The following RAB9B variants were observed in gnomAD, a reference collection of about 807,000 sequenced individuals.
The protein encoded by RAB9B is RAB9B, member RAS oncogene family.
A neutral mutation model predicts 8.9 loss-of-function variants in RAB9B; 1 was observed. The ratio of observed to expected loss-of-function variants is 0.11; its 90% CI spans 0.04 to 0.53. The LOEUF is 0.53. Ranked by LOEUF, RAB9B falls within the 20% of genes least tolerant of loss-of-function variation. The probability of loss-of-function intolerance (pLI) is 0.93; values close to 1 mark genes in which losing one functional copy is unlikely to be tolerated. For missense variants in RAB9B, 82 were observed against 152.9 expected, an observed-to-expected ratio of 0.54 and a Z score of 2.45; for synonymous variants, 63 against 57.0, an observed-to-expected ratio of 1.10 and a Z score of -0.47.
At chrX:103,807,612 A>G in the RAB9B span, among the ~76,000 whole-genome samples, 1 of 112,076 alleles carries the variant, frequency 8.9e-6, no homozygotes, top group African/African-American at 3.2e-5. Flanking sequence ...CTGCCTTGGT[A>G]TGGCAAAACT....
At chrX:103,776,962 A>T in the RAB9B span, 1 of 1,189,596 alleles carries the variant, frequency 8.4e-7, no homozygotes. Context: ...CAGACTAGCC[A>T]GCCGGCTACA....
chrX:103,789,341 G>A, the RAB9B span: 2 of 1,206,952 alleles, frequency 1.7e-6, no homozygotes, highest in East Asian at 5.9e-5. Context: ...AGTTCCAAAT[G>A]ACCTTCCACC....
At chrX:103,783,232 G>A in the RAB9B span, among the ~76,000 whole-genome samples, 2 of 112,224 alleles carry the variant, frequency 1.8e-5, no homozygotes, top group African/African-American at 6.5e-5. Flanking sequence ...ATGCATGCAT[G>A]TGCGTGTGCA....
At chrX:103,811,972 C>G in the RAB9B span, among the ~76,000 whole-genome samples, 5 of 108,121 alleles carry the variant, frequency 4.6e-5, no homozygotes, top group South Asian at 8.4e-4. Flanking sequence ...AAAGAGAGGT[C>G]TCCTCTCTTT....
the RAB9B span, among the ~76,000 whole-genome samples, chrX:103,802,493 T>C: frequency 9.0e-6 from 1 of 111,467 alleles, no homozygotes; most frequent in Non-Finnish European, 1.9e-5. Flanking sequence ...TAAGCAGGAC[T>C]ACAGTTTAGG....
At chrX:103,819,008 C>T (rs1280042686), downstream of RAB9B, among the ~76,000 whole-genome samples, 1 of 111,242 alleles carries the variant, frequency 9.0e-6, no homozygotes, top group Non-Finnish European at 1.9e-5. Context: ...CATCTATTAA[C>T]AGACTCTATG....
chrX:103,785,670 G>A, the RAB9B span: 1 of 1,210,151 alleles, frequency 8.3e-7, no homozygotes, highest in Non-Finnish European at 1.1e-6. Flanking sequence ...GGGTGGCACT[G>A]TTCTGTGGCT....
the RAB9B span, among the ~76,000 whole-genome samples, chrX:103,812,282 A>G: frequency 9.0e-5 from 10 of 111,708 alleles, no homozygotes; most frequent in Non-Finnish European, 1.5e-4. Flanking sequence ...TAAGTTTTTA[A>G]CATATTAATT....
At chrX:103,812,293 A>T in the RAB9B span, among the ~76,000 whole-genome samples, 1 of 111,646 alleles carries the variant, frequency 9.0e-6, no homozygotes, top group Non-Finnish European at 1.9e-5. Flanking sequence ...CATATTAATT[A>T]GGGAGATATA....
At chrX:103,820,125 C>T (rs1301989472), downstream of RAB9B, among the ~76,000 whole-genome samples, 2 of 112,011 alleles carry the variant, frequency 1.8e-5, no homozygotes, top group Non-Finnish European at 3.8e-5. Flanking sequence ...GTGCGGATGC[C>T]TTGATTTTGG....
At chrX:103,808,212 CAAGATATGT>C in the RAB9B span, among the ~76,000 whole-genome samples, 1 of 111,924 alleles carries the variant, frequency 8.9e-6, no homozygotes, top group Non-Finnish European at 1.9e-5. Context: ...CTGTTTCTTC[CAAGATATGT>C]AACCTTGAAA....
At chrX:103,796,207 G>A in the RAB9B span, among the ~76,000 whole-genome samples, 1 of 112,357 alleles carries the variant, frequency 8.9e-6, no homozygotes, top group Admixed American at 9.4e-5. Flanking sequence ...GGGCATGGTG[G>A]CTCATGCCTG....
the RAB9B span, among the ~76,000 whole-genome samples, chrX:103,804,704 A>T: frequency 1.8e-5 from 2 of 111,703 alleles, no homozygotes. Context: ...ATTTCAATGA[A>T]GTTTTGTCAT....
At chrX:103,799,676 T>C in the RAB9B span, among the ~76,000 whole-genome samples, 1 of 112,221 alleles carries the variant, frequency 8.9e-6, no homozygotes, top group African/African-American at 3.2e-5. Context: ...TAACGCTGTT[T>C]TAAAATTTTT....
At chrX:103,795,784 C>T in the RAB9B span, among the ~76,000 whole-genome samples, 1 of 112,079 alleles carries the variant, frequency 8.9e-6, no homozygotes, top group Non-Finnish European at 1.9e-5. Flanking sequence ...TTATCCTATA[C>T]GCAGATGATA....
the RAB9B span, among the ~76,000 whole-genome samples, chrX:103,811,949 GAA>G: frequency 9.2e-6 from 1 of 108,665 alleles, no homozygotes; most frequent in Non-Finnish European, 1.9e-5. Flanking sequence ...CCTCAAAGCA[GAA>G]AAAGAGAGAG....
At chrX:103,806,094 C>T in the RAB9B span, among the ~76,000 whole-genome samples, 1 of 110,564 alleles carries the variant, frequency 9.0e-6, no homozygotes, top group African/African-American at 3.3e-5. Flanking sequence ...GTGTGACTCA[C>T]TGCACCCAGC....
the RAB9B span, among the ~76,000 whole-genome samples, chrX:103,813,270 G>A: frequency 2.7e-5 from 3 of 110,439 alleles, no homozygotes; most frequent in Non-Finnish European, 5.7e-5. Context: ...GCATCTTAGA[G>A]TCTGTTCCAA....
At position 103,828,229 on chromosome X, in the gene RAB9B, A is replaced by C. The variant is rs1252124744; in HGVS notation, c.-116-1151T>G. Among the ~76,000 whole-genome samples the C allele has an allele frequency of 2.7e-5, 3 of 111,940 alleles. No individual in the cohort carries two copies. The Admixed American group carries it at 2.8e-4, about 11-fold the overall frequency. The stretch of plus-strand genomic sequence containing the variant: ...ATAAAACTTATAATAAGGATTCATT[A>C]GATATCTAAATCAGTAATTATGAAT... On this transcript the variant is annotated intron_variant, in intron 1 of 2. Transcript: ENST00000243298.
Sources: gnomAD v4.1 joint callset for allele counts (sites outside exome capture counted in the v4.1 genomes callset) on GRCh38, gnomAD v4.1.1 for gene constraint, MANE v1.5 for transcripts, NCBI Gene and HGNC (gene_info 2026-07-23, HGNC 2026-07-21) for gene names.